MAD2L2: variants seen among roughly 807,000 people sequenced by gnomAD.
The protein encoded by MAD2L2 is mitotic spindle assembly checkpoint protein MAD2B.
MAD2L2 carries 17 observed loss-of-function variants against 30.5 expected under a neutral mutation model. That is an observed-to-expected ratio of 0.56 (90% CI 0.38 to 0.84). The LOEUF (loss-of-function observed/expected upper bound fraction) is 0.84. Among genes scored for constraint, MAD2L2 ranks in the 40% least tolerant of loss-of-function variants. MAD2L2 has a pLI of 0.00. For missense variants in MAD2L2, 213 were observed against 277.4 expected, an observed-to-expected ratio of 0.77 and a Z score of 1.65; for synonymous variants, 101 against 113.9, an observed-to-expected ratio of 0.89 and a Z score of 0.72.
intron 1 of MAD2L2, among the ~76,000 whole-genome samples, chr1:11,689,079 T>A (rs148262846): frequency 1.2e-4 from 18 of 152,288 alleles, no homozygotes; most frequent in Admixed American, 6.5e-4. Context: ...GCAGATTGCC[T>A]GGGGTCAGGA....
At chr1:11,684,482 T>G (rs962678722), upstream of MAD2L2, among the ~76,000 whole-genome samples, 1 of 152,136 alleles carries the variant, frequency 6.6e-6, no homozygotes, top group African/African-American at 2.4e-5. Context: ...AGCAGGTCCC[T>G]GAGGATCTCT....
intron 3 of MAD2L2, among the ~76,000 whole-genome samples, chr1:11,678,020 G>A (rs1640801176): frequency 7.0e-6 from 1 of 142,680 alleles, no homozygotes; most frequent in Admixed American, 7.4e-5. Context: ...TCACGCCACT[G>A]CACTGCAACA....
intron 7 of MAD2L2, 43 bp downstream of exon 7, chr1:11,675,615 G>A (rs780840825): frequency 2.8e-5 from 45 of 1,591,034 alleles, no homozygotes; most frequent in South Asian, 3.3e-5. Context: ...GCGACATCAC[G>A]TTTCTAGAGC....
chr1:11,684,708 C>T (rs1258307043), upstream of MAD2L2, among the ~76,000 whole-genome samples: 1 of 152,228 alleles, frequency 6.6e-6, no homozygotes, highest in Non-Finnish European at 1.5e-5. Flanking sequence ...AGGCTGATGG[C>T]AGAATGAATC....
At chr1:11,682,671 C>T (rs542382333), upstream of MAD2L2, among the ~76,000 whole-genome samples, 12 of 152,120 alleles carry the variant, frequency 7.9e-5, no homozygotes, top group Non-Finnish European at 1.8e-4. Context: ...GGGCACTGGC[C>T]CTTTAACAAG....
chr1:11,675,175 C>A lies in MAD2L2; in HGVS notation c.502-1G>T. ...CATCCGCCAGGATCCAGGGGAAATC[C>A]TAGGGAGGAGACAAAGGTCAGGGGG... is the stretch of plus-strand genomic sequence containing the variant. On this transcript the variant is annotated splice_acceptor_variant, in intron 7 of 8. Transcript: ENST00000376692. LOFTEE classifies it high-confidence loss of function. 6.3e-7 allele frequency: 1 copy of A among 1,587,882 alleles called. No individual in the cohort carries two copies. Among genetic ancestry groups the A allele is most frequent in the Non-Finnish European group, 8.6e-7 (1 of 1,165,476 alleles).
rs1277996410 is a variant in MAD2L2, at chr1:11,688,008, C to T, written c.-692+3405G>A. Among the ~76,000 whole-genome samples the T allele has an allele frequency of 6.6e-6, 1 of 152,150 alleles. No individual in the cohort carries two copies. Among genetic ancestry groups the T allele is most frequent in the Non-Finnish European group, 1.5e-5 (1 of 68,030 alleles). ...ACATCCACCTTTTCATATTGTGTCA[C>T]CCCAGCTCCAAGCACATCGGAAGAT... On this transcript the variant is annotated intron_variant, in intron 1 of 10. Coordinates refer to the MAD2L2 transcript ENST00000235310. This position sits in a 1 kb window ranked among gnomAD's most constrained non-coding sequence, Gnocchi z 4.6.
chr1:11,676,059 G>A lies in MAD2L2; in HGVS notation c.414C>T (p.Asp138=), dbSNP rs765865207. Reference sequence around the variant, plus strand: ...GAGTGGACACACCTGGGGGGTTGTGGTCCAGGACGGCATCGCACACGCTGA... The same window carrying A: ...GAGTGGACACACCTGGGGGGTTGTGATCCAGGACGGCATCGCACACGCTGA... The part of the protein sequence containing the change: ...LKISVCDAVL[D]HNPPGCTFTV... The change falls in exon 6 of 9, where the codon GAC becomes GAT. Residue 138 remains aspartate, a synonymous_variant. Transcript: ENST00000376692. 19 of 1,613,434 alleles carry A rather than the reference G, an allele frequency of 1.2e-5. No individual in the cohort carries two copies. In the South Asian group the frequency reaches 2.1e-4, roughly 18 times the overall value.
At chr1:11,676,220 G>A (rs1557678219) in intron 5 of MAD2L2, 80 bp from the exon 6 acceptor site, 6 of 882,824 alleles carry the variant, frequency 6.8e-6, no homozygotes, top group Admixed American at 2.5e-5. Flanking sequence ...GCAGACCTGG[G>A]GTACAAGACC....
intron 1 of MAD2L2, among the ~76,000 whole-genome samples, chr1:11,686,476 C>T (rs991672016): frequency 1.3e-5 from 2 of 152,182 alleles, no homozygotes; most frequent in African/African-American, 4.8e-5. Context: ...GCTGTGTTAC[C>T]CAGGCTGGTC....
rs1289634432 is a variant in MAD2L2 at position 11,677,120 on chromosome 1, C to G, written c.232-172G>C. On this transcript the variant is annotated intron_variant, in intron 4 of 8. Coordinates refer to ENST00000376692, the MANE Select transcript of MAD2L2 (RefSeq NM_006341.4). Reference sequence around the variant, plus strand: ...GATAGCGAGTTTGAGAAGCCGGCACCCTCCAGCATGAGTGGTGTAGGCTGA... The same window carrying G: ...GATAGCGAGTTTGAGAAGCCGGCACGCTCCAGCATGAGTGGTGTAGGCTGA... 3 of 654,058 alleles carry G rather than the reference C, an allele frequency of 4.6e-6. No homozygotes were observed. In the East Asian group the frequency reaches 8.1e-5, roughly 18 times the overall value. 40.5% of individuals were successfully genotyped at this position (654,058 alleles called of 1,614,324 possible).
chr1:11,680,926 G>C, intron 1 of MAD2L2, 113 bp downstream of exon 1: 1 of 431,580 alleles, frequency 2.3e-6, no homozygotes. Context: ...CCAGGGCCGG[G>C]AGCGCAAAGC....
intron 4 of MAD2L2, chr1:11,677,295 G>A: frequency 1.7e-6 from 1 of 596,158 alleles, no homozygotes; most frequent in Non-Finnish European, 3.0e-6. Context: ...CTCTGGGGCA[G>A]CCCCTACTTA....
upstream of MAD2L2, among the ~76,000 whole-genome samples, chr1:11,684,301 G>A (rs1210865067): frequency 3.3e-5 from 5 of 152,168 alleles, no homozygotes; most frequent in African/African-American, 7.2e-5. Flanking sequence ...ATGGTTGTGG[G>A]ATCCAGATTA....
chr1:11,685,700 T>C (rs1446388149), upstream of MAD2L2, among the ~76,000 whole-genome samples: 1 of 151,904 alleles, frequency 6.6e-6, no homozygotes, highest in Admixed American at 6.6e-5. Flanking sequence ...CTCACGCCTA[T>C]AATCCCAGCT....
At chr1:11,677,357 G>A (rs144075517) in intron 4 of MAD2L2, 186 bp downstream of exon 4, 116 of 633,458 alleles carry the variant, frequency 1.8e-4, no homozygotes, top group Non-Finnish European at 2.7e-4. Context: ...AACATGGCCC[G>A]CATGCCTTGG....
At position 11,677,814 on chromosome 1, in the gene MAD2L2, C is replaced by T. The variant is rs113089515; in HGVS notation, c.160-200G>A. 2.5e-3 allele frequency among the ~76,000 whole-genome samples: 376 copies of T among 152,274 alleles called. 2 individuals carry two copies. Among genetic ancestry groups the T allele is most frequent in the African/African-American group, 8.7e-3 (361 of 41,552 alleles). On this transcript the variant is annotated intron_variant, in intron 3 of 8. Transcript: ENST00000376692. ...GTGGCTCACGCCTATAATCTCAGCA[C>T]TTTGGGAGGCCGAGGCAGGTGGATC... is the stretch of plus-strand genomic sequence containing the variant.
At chr1:11,682,996 T>C (rs1247532074), upstream of MAD2L2, among the ~76,000 whole-genome samples, 1 of 152,176 alleles carries the variant, frequency 6.6e-6, no homozygotes, top group Non-Finnish European at 1.5e-5. Flanking sequence ...TTGCAGAACT[T>C]GGGAAAAGCA....
At chr1:11,678,299 T>C (rs181886182) in intron 3 of MAD2L2, among the ~76,000 whole-genome samples, 17 of 151,774 alleles carry the variant, frequency 1.1e-4, no homozygotes, top group African/African-American at 3.9e-4. Flanking sequence ...TAATCCCAGC[T>C]ACTTGGGAGG....
Sources: gnomAD v4.1 joint callset for allele counts (sites outside exome capture counted in the v4.1 genomes callset) on GRCh38, gnomAD v4.1.1 for gene constraint, Gnocchi (gnomAD v3.1) non-coding constraint, MANE v1.5 for transcripts, NCBI Gene and HGNC (gene_info 2026-07-23, HGNC 2026-07-21) for gene names.